Variants in TBC1D14 observed in about 807,000 individuals in gnomAD.
TBC1D14 encodes the protein TBC1 domain family member 14, also known as TBC1 domain family, member 14.
TBC1D14 carries 26 observed loss-of-function variants against 79.0 expected under a neutral mutation model. The observed-to-expected ratio is 0.33, with a 90% CI of 0.24 to 0.46. The LOEUF (loss-of-function observed/expected upper bound fraction) is 0.46. Among genes scored for constraint, TBC1D14 ranks in the 20% least tolerant of loss-of-function variants. The pLI is 1.00. For missense variants in TBC1D14, 769 were observed against 887.6 expected, an observed-to-expected ratio of 0.87 and a Z score of 1.70; for synonymous variants, 394 against 349.9, an observed-to-expected ratio of 1.13 and a Z score of -1.40.
chr4:7,023,320 T>C (rs1577189747), intron 12 of TBC1D14, among the ~76,000 whole-genome samples: 3 of 152,210 alleles, frequency 2.0e-5, no homozygotes, highest in African/African-American at 7.2e-5. Context: ...TTCTCAGGAC[T>C]CTGCTTTTTA....
chr4:6,919,227 A>C (rs373652937), intron 1 of TBC1D14, among the ~76,000 whole-genome samples: 1 of 151,446 alleles, frequency 6.6e-6, no homozygotes, highest in Non-Finnish European at 1.5e-5. Flanking sequence ...GCTCACTGCA[A>C]CCTCCACCTC....
At chr4:7,021,345 C>T (rs1245558858) in intron 12 of TBC1D14, among the ~76,000 whole-genome samples, 3 of 152,182 alleles carry the variant, frequency 2.0e-5, no homozygotes, top group Non-Finnish European at 4.4e-5. Flanking sequence ...TGTCTATAGT[C>T]CCAGCACTTT....
intron 2 of TBC1D14, among the ~76,000 whole-genome samples, chr4:6,952,873 A>C (rs556338506): frequency 2.9e-4 from 44 of 151,726 alleles, no homozygotes; most frequent in African/African-American, 8.7e-4. Flanking sequence ...TTTGAGATGG[A>C]GTCTCACTCT....
At chr4:7,020,017 C>A (rs1028055999) in intron 12 of TBC1D14, among the ~76,000 whole-genome samples, 1 of 112,106 alleles carries the variant, frequency 8.9e-6, no homozygotes, top group Non-Finnish European at 2.0e-5. Flanking sequence ...GTATGTGAAC[C>A]CCGCTGGGCT....
chr4:6,917,272 A>G (rs1433264458), intron 1 of TBC1D14, among the ~76,000 whole-genome samples: 2 of 152,238 alleles, frequency 1.3e-5, no homozygotes, highest in Non-Finnish European at 2.9e-5. Flanking sequence ...ACCTTAATCC[A>G]TGCCAGGCAT....
chr4:7,018,068 A>T (rs568551929), intron 12 of TBC1D14, among the ~76,000 whole-genome samples: 1 of 152,190 alleles, frequency 6.6e-6, no homozygotes, highest in East Asian at 1.9e-4. Context: ...GGCACAGAAG[A>T]AGTCACTGAG....
intron 2 of TBC1D14, among the ~76,000 whole-genome samples, chr4:6,967,088 C>T (rs914832936): frequency 2.0e-5 from 3 of 152,212 alleles, no homozygotes; most frequent in Non-Finnish European, 2.9e-5. Flanking sequence ...GGATTACAGG[C>T]GTGAGCCACT....
intron 2 of TBC1D14, among the ~76,000 whole-genome samples, chr4:6,938,172 C>A (rs1712533218): frequency 6.6e-6 from 1 of 152,164 alleles, no homozygotes; most frequent in African/African-American, 2.4e-5. Context: ...GTGAACAGCA[C>A]CCCATCCTCA....
intron 2 of TBC1D14, among the ~76,000 whole-genome samples, chr4:6,945,612 G>C (rs950508555): frequency 1.3e-5 from 2 of 152,110 alleles, no homozygotes; most frequent in South Asian, 4.2e-4. Flanking sequence ...GCCGAGCGTG[G>C]TGGCAACGCG....
chr4:6,923,402 A>G lies in TBC1D14; in HGVS notation c.13A>G (p.Lys5Glu), dbSNP rs1338326583. The G allele has an allele frequency of 6.3e-7, 1 of 1,594,216 alleles. No homozygotes were observed. ...TCCTTGGACCAAGATGACTGATGGA[A>G]AACTCTCCACCTCTACAAATGGCGT... is the stretch of plus-strand genomic sequence containing the variant. MTDG[K>E]LSTSTNGVAF... The change falls in exon 2 of 14, where the codon AAA (lysine) becomes GAA (glutamate). Residue 5 changes from lysine (K) to glutamate (E), a missense_variant. Lys to Glu is a moderately conservative substitution (Grantham distance 56). Around this residue, in one of 2 missense-constraint regions of TBC1D14, gnomAD observed 402 missense variants for 393.2 expected, o/e 1.02. Transcript: ENST00000409757.
At chr4:7,006,887 T>C (rs540640966) in intron 9 of TBC1D14, among the ~76,000 whole-genome samples, 161 bp downstream of exon 9, 19 of 152,206 alleles carry the variant, frequency 1.2e-4, no homozygotes, top group Admixed American at 2.0e-4. Context: ...CTTTTTAAAA[T>C]AAGTGTAACT....
At chr4:6,949,690 A>AC (rs1713841349) in intron 2 of TBC1D14, among the ~76,000 whole-genome samples, 1 of 151,586 alleles carries the variant, frequency 6.6e-6, no homozygotes, top group South Asian at 2.1e-4. Flanking sequence ...CTCAAAAAAA[A>AC]AAAAAAATTG....
intron 5 of TBC1D14, 76 bp downstream of exon 5, chr4:6,996,483 A>G: frequency 3.5e-6 from 4 of 1,149,482 alleles, no homozygotes; most frequent in Non-Finnish European, 3.8e-6. Flanking sequence ...TCTTTTTACC[A>G]TTTGGAGTCA....
At chr4:7,023,741 G>A (rs912831010) in intron 12 of TBC1D14, among the ~76,000 whole-genome samples, 2 of 152,196 alleles carry the variant, frequency 1.3e-5, no homozygotes, top group South Asian at 2.1e-4. Flanking sequence ...GTCCTGAGGC[G>A]CGGTTCTGTC....
At chr4:6,996,013 T>A (rs1315771032) in intron 4 of TBC1D14, among the ~76,000 whole-genome samples, 1 of 150,506 alleles carries the variant, frequency 6.6e-6, no homozygotes, top group African/African-American at 2.4e-5. Context: ...ATTTTTTGTA[T>A]TTTTTAGTAG....
In TBC1D14 at chr4:6,922,893, A is replaced by G. The variant is rs1198498084; in HGVS notation, c.-17-480A>G. 1.6e-4 allele frequency among the ~76,000 whole-genome samples: 25 copies of G among 152,142 alleles called. 1 individual carries two copies. The highest frequency in any genetic ancestry group is 1.6e-3 in the Admixed American group (25 of 15,272). ...TCTTCCTGCTATGTTATATCATGAC[A>G]GTGTATGTTAAAACTCTAGCTTCTG... On this transcript the variant is annotated intron_variant, in intron 1 of 13. Transcript: ENST00000409757.
chr4:6,998,283 C>G (rs961350044), intron 5 of TBC1D14, among the ~76,000 whole-genome samples: 1 of 151,750 alleles, frequency 6.6e-6, no homozygotes, highest in African/African-American at 2.4e-5. Flanking sequence ...TTGCTTGAAC[C>G]CGGGAGGCGG....
chr4:6,931,389 G>C (rs1387284163), intron 2 of TBC1D14, among the ~76,000 whole-genome samples: 2 of 152,216 alleles, frequency 1.3e-5, no homozygotes, highest in Non-Finnish European at 2.9e-5. Context: ...GCACCTGGGA[G>C]GTCACTGGTA....
chr4:6,937,323 C>T (rs945882788), intron 2 of TBC1D14, among the ~76,000 whole-genome samples: 1 of 152,378 alleles, frequency 6.6e-6, no homozygotes, highest in South Asian at 2.1e-4. Context: ...AAGGTGCCAG[C>T]ACGTTCAGTG....
Sources: allele counts gnomAD v4.1 joint callset (sites outside exome capture counted in the v4.1 genomes callset), GRCh38; gene constraint gnomAD v4.1.1; regional missense constraint gnomAD v4.1.1; transcripts MANE v1.5; gene names NCBI Gene and HGNC (gene_info 2026-07-23, HGNC 2026-07-21).